Variants in AMMECR1 observed in about 807,000 individuals in gnomAD.
AMMECR1 encodes the protein nuclear protein AMMECR1.
A neutral mutation model predicts 22.5 loss-of-function variants in AMMECR1; 3 were observed. That is an observed-to-expected ratio of 0.13 (90% CI 0.06 to 0.35). The LOEUF is 0.35. Among genes scored for constraint, AMMECR1 ranks in the 10% least tolerant of loss-of-function variants. The pLI, the probability that AMMECR1 is intolerant of heterozygous loss-of-function variation, is 1.00. For synonymous variants in AMMECR1, 130 were observed against 116.7 expected (o/e 1.11, Z -0.74); for missense variants, 235 against 278.7 (o/e 0.84, Z 1.12).
intron 1 of AMMECR1, chrX:110,439,818 C>T (rs1023211779): frequency 1.8e-5 from 2 of 110,764 alleles, no homozygotes; most frequent in African/African-American, 6.6e-5. Flanking sequence ...ATAAAGATGA[C>T]CTTCCCTAGG....
chrX:110,385,099 A>G (rs1334361020), intron 2 of AMMECR1, among the ~76,000 whole-genome samples: 2 of 111,408 alleles, frequency 1.8e-5, no homozygotes, highest in Non-Finnish European at 3.8e-5. Context: ...TTCTAGATCC[A>G]GATGGCCTGA....
intron 2 of AMMECR1, among the ~76,000 whole-genome samples, chrX:110,397,091 T>C (rs977490694): frequency 8.9e-6 from 1 of 112,072 alleles, no homozygotes; most frequent in Admixed American, 9.4e-5. Context: ...AGCCACAGTC[T>C]GGGACAGGGC....
chrX:110,412,527 C>T, intron 2 of AMMECR1, among the ~76,000 whole-genome samples: 1 of 112,101 alleles, frequency 8.9e-6, no homozygotes, highest in Middle Eastern at 4.6e-3. Context: ...TCTAACCTCT[C>T]TGTGCCGTTT....
intron 4 of AMMECR1, among the ~76,000 whole-genome samples, chrX:110,201,956 C>T (rs1228139804): frequency 8.9e-6 from 1 of 111,851 alleles, no homozygotes; most frequent in Non-Finnish European, 1.9e-5. Flanking sequence ...GTAGACCAAG[C>T]ATATAAAACA....
chrX:110,312,425 T>C (rs1246780719), intron 1 of AMMECR1, among the ~76,000 whole-genome samples: 1 of 112,071 alleles, frequency 8.9e-6, no homozygotes, highest in East Asian at 2.8e-4. Flanking sequence ...TTCTTCCCAT[T>C]GGACTGAGAG....
At chrX:110,202,070 T>C (rs2067399612) in intron 4 of AMMECR1, among the ~76,000 whole-genome samples, 1 of 112,266 alleles carries the variant, frequency 8.9e-6, no homozygotes, top group South Asian at 3.7e-4. Context: ...AAACATTTGA[T>C]ACTTAAAATG....
chrX:110,252,945 C>T lies in AMMECR1; in HGVS notation c.584+11544G>A, dbSNP rs183217114. 8.9e-5 allele frequency among the ~76,000 whole-genome samples: 10 copies of T among 111,776 alleles called. No homozygotes were observed. In the South Asian group the frequency reaches 1.5e-3, roughly 17 times the overall value. The stretch of plus-strand genomic sequence containing the variant: ...AATGTAGGCCTTGCTATTTTACATA[C>T]GTGTCAATGATAATGGCATCATTTG... On this transcript the variant is annotated intron_variant, in intron 2 of 5. Transcript: ENST00000262844.
At chrX:110,377,355 C>A (rs1434453758) in intron 2 of AMMECR1, among the ~76,000 whole-genome samples, 1 of 111,607 alleles carries the variant, frequency 9.0e-6, no homozygotes, top group African/African-American at 3.3e-5. Flanking sequence ...GCCAGAATAG[C>A]GAAACACCGA....
At chrX:110,403,468 G>A (rs895402783) in intron 2 of AMMECR1, among the ~76,000 whole-genome samples, 1 of 111,041 alleles carries the variant, frequency 9.0e-6, no homozygotes, top group Non-Finnish European at 1.9e-5. Context: ...ACACACACAC[G>A]CATGCGCGCA....
chrX:110,286,538 G>A (rs140590555), intron 1 of AMMECR1, among the ~76,000 whole-genome samples: 5,202 of 108,132 alleles, frequency 0.048, 128 homozygotes, highest in Non-Finnish European at 0.071. Context: ...CAGGCATGGT[G>A]TTGTGCGCCT....
intron 2 of AMMECR1, among the ~76,000 whole-genome samples, chrX:110,342,838 T>C (rs2068170440): frequency 1.8e-5 from 2 of 111,658 alleles, no homozygotes; most frequent in Non-Finnish European, 3.8e-5. Flanking sequence ...AGTAGTTTCA[T>C]GTAAAGAAAA....
rs185643422 is a variant in AMMECR1, at chrX:110,284,724, G to A, written c.474-20125C>T. 5.3e-3 allele frequency among the ~76,000 whole-genome samples: 592 copies of A among 111,421 alleles called. 3 individuals are homozygous for A. Among genetic ancestry groups the A allele is most frequent in the African/African-American group, 0.019 (574 of 30,634 alleles). ...TCTGTATCTATACTGGATGGTGGGG[G>A]AAGGTTGGGGTGGAGAGGGGGTAAA... On this transcript the variant is annotated intron_variant, in intron 1 of 5. Coordinates refer to ENST00000262844, the MANE Select transcript of AMMECR1 (RefSeq NM_015365.3).
chrX:110,256,788 T>C (rs2067713357), intron 2 of AMMECR1, among the ~76,000 whole-genome samples: 1 of 111,651 alleles, frequency 9.0e-6, no homozygotes, highest in African/African-American at 3.3e-5. Context: ...TCATTTCTTT[T>C]GCCTTCTACT....
chrX:110,216,677 A>G, intron 2 of AMMECR1, 45 bp from the exon 3 acceptor site: 1 of 860,409 alleles, frequency 1.2e-6, no homozygotes, highest in Non-Finnish European at 1.7e-6. Flanking sequence ...TGGATATGAA[A>G]GTTCCCAATT....
intron 1 of AMMECR1, chrX:110,305,527 C>T (rs1239067478): frequency 1.8e-5 from 2 of 111,389 alleles, no homozygotes; most frequent in Non-Finnish European, 3.8e-5. Flanking sequence ...GAGCCTCATA[C>T]TGGTTGTACA....
chrX:110,207,150 C>T (rs2067425575), intron 3 of AMMECR1, among the ~76,000 whole-genome samples: 1 of 111,252 alleles, frequency 9.0e-6, no homozygotes, highest in African/African-American at 3.3e-5. Context: ...CACAAAACAA[C>T]CCTGGGTACC....
intron 1 of AMMECR1, among the ~76,000 whole-genome samples, chrX:110,266,225 T>C (rs2067768156): frequency 9.0e-6 from 1 of 110,668 alleles, no homozygotes; most frequent in African/African-American, 3.3e-5. Context: ...TAACCACTGA[T>C]CAGGAAGACA....
At chrX:110,318,088 C>G (rs749417683), upstream of AMMECR1, 7 of 1,171,109 alleles carry the variant, frequency 6.0e-6, no homozygotes, top group East Asian at 1.6e-4. Context: ...ACAGTCTCCC[C>G]CACGCAGCGT....
chrX:110,301,329 G>A (rs1327442352), intron 1 of AMMECR1, among the ~76,000 whole-genome samples: 3 of 112,673 alleles, frequency 2.7e-5, no homozygotes, highest in South Asian at 3.6e-4. Context: ...TCAATGCTCT[G>A]AGAGTTTACA....
Sources: allele counts gnomAD v4.1 joint callset (sites outside exome capture counted in the v4.1 genomes callset), GRCh38; gene constraint gnomAD v4.1.1; transcripts MANE v1.5; gene names NCBI Gene and HGNC (gene_info 2026-07-23, HGNC 2026-07-21).